Variants in KANK3 observed in about 807,000 individuals in gnomAD.
KANK3 encodes the protein KN motif and ankyrin repeat domain-containing protein 3.
In KANK3, 61 loss-of-function variants were observed where a neutral mutation model predicts 65.4. The ratio of observed to expected loss-of-function variants is 0.93; its 90% CI spans 0.76 to 1.15. The LOEUF (loss-of-function observed/expected upper bound fraction) is 1.15. Ranked by LOEUF, KANK3 falls within the 50% of genes most tolerant of loss-of-function variation. The pLI is 0.00. For missense variants in KANK3, 1,187 were observed against 1,178.8 expected, an observed-to-expected ratio of 1.01 and a Z score of -0.10; for synonymous variants, 586 against 543.3, an observed-to-expected ratio of 1.08 and a Z score of -1.09.
chr19:8,331,129 G>C lies in KANK3; in HGVS notation c.1936+1885C>G, dbSNP rs937053910. 7.0e-4 allele frequency among the ~76,000 whole-genome samples: 106 copies of C among 151,484 alleles called. 1 individual carries two copies. The highest frequency in any genetic ancestry group is 2.3e-3 in the African/African-American group (94 of 41,300). On this transcript the variant is annotated intron_variant, in intron 7 of 10. Transcript: ENST00000330915. Reference sequence around the variant, plus strand: ...AATGGCGTGAACCCGGGAGGCGTAGGTTGCAGTGAGCAGAGAGATCATGCC... The same window carrying C: ...AATGGCGTGAACCCGGGAGGCGTAGCTTGCAGTGAGCAGAGAGATCATGCC...
At chr19:8,341,659 AT>A (rs1970724923) in intron 1 of KANK3, among the ~76,000 whole-genome samples, 1 of 151,950 alleles carries the variant, frequency 6.6e-6, no homozygotes. Context: ...GCCCGGCCTA[AT>A]TTTATTTTTT....
At chr19:8,326,481 T>TA (rs369948563) in intron 7 of KANK3, among the ~76,000 whole-genome samples, 4,725 of 119,116 alleles carry the variant, frequency 0.04, 105 homozygotes, top group Non-Finnish European at 0.052. Context: ...CCACCTGTTG[T>TA]AAAAAAAAAA....
At chr19:8,338,740 TGGCA>T (rs1970682154) in intron 1 of KANK3, among the ~76,000 whole-genome samples, 1 of 151,652 alleles carries the variant, frequency 6.6e-6, no homozygotes, top group African/African-American at 2.4e-5. Flanking sequence ...CCGGGCGTGG[TGGCA>T]GGCGCCTGTA....
chr19:8,332,826 TA>T (rs2145426824), intron 7 of KANK3, 187 bp downstream of exon 7: 1 of 285,698 alleles, frequency 3.5e-6, no homozygotes, highest in East Asian at 6.2e-5. Context: ...AAAAATAAAA[TA>T]AAATAAAATA....
Position 8,335,808 on chromosome 19 carries a change from G to C in KANK3, c.35-16C>G. 8.1e-7 allele frequency: 1 copy of C among 1,229,492 alleles called. No individual in the cohort carries two copies. Among genetic ancestry groups the C allele is most frequent in the Non-Finnish European group, 1.0e-6 (1 of 984,186 alleles). The allele number at this position is 1,229,492 out of a possible 1,614,324, so 76.2% of individuals were successfully genotyped here. ...CCGCCCAGGTCTGGAGGCACGACGGGGGCACGGGGAGGGCGCATCAGAACG... is the reference window on the plus strand; with the variant it reads ...CCGCCCAGGTCTGGAGGCACGACGGCGGCACGGGGAGGGCGCATCAGAACG... On this transcript the variant is annotated splice_polypyrimidine_tract_variant and intron_variant, in intron 2 of 10. Transcript: ENST00000330915.
rs762279868 is a variant in KANK3 at position 8,334,765 on chromosome 19, C to T, written c.1062G>A (p.Glu354=). The part of the protein sequence containing the change: ...LLGLPAAAER[E]LELLRASLEH... The stretch of plus-strand genomic sequence containing the variant: ...CCAGACTGGCGCGCAGCAGCTCTAG[C>T]TCGCGCTCGGCGGCCGCAGGCAGCC... Residue 354 remains glutamate, a synonymous_variant, in exon 3 of 11, where the codon GAG becomes GAA. Transcript: ENST00000330915. The T allele has an allele frequency of 1.3e-5, 20 of 1,505,734 alleles. No individual in the cohort carries two copies. The highest frequency in any genetic ancestry group is 2.3e-4 in the Middle Eastern group (1 of 4,304). 93.3% of individuals were successfully genotyped at this position (1,505,734 alleles called of 1,614,324 possible). A position where few individuals can be genotyped will look rare whatever the true frequency, so the allele number is the denominator to read the frequency against.
Position 8,324,458 on chromosome 19 carries a change from G to A in KANK3, c.2373C>T (p.Pro791=), listed in dbSNP as rs144688003. The change falls in exon 10 of 11, where the codon CCC becomes CCT. Residue 791 remains proline (P), a synonymous_variant. Transcript: ENST00000330915. The stretch of plus-strand genomic sequence containing the variant: ...CCAGAGCTGTGCTCACCTGGGTGTC[G>A]GGCTGGCCCGAGCTCAGGTGGGCAT... ...LLHAHLSSGQ[P]DTQSESPPGS... 4.0e-5 allele frequency: 64 copies of A among 1,602,874 alleles called. No individual in the cohort carries two copies. Among genetic ancestry groups the A allele is most frequent in the South Asian group, 1.6e-4 (14 of 89,582 alleles).
chr19:8,334,912 G>A lies in KANK3; in HGVS notation c.915C>T (p.Ala305=), dbSNP rs1386303416. Residue 305 remains alanine, a synonymous_variant, in exon 3 of 11, where the codon GCC becomes GCT. Coordinates refer to ENST00000330915, the MANE Select transcript of KANK3 (RefSeq NM_198471.3). ...DGTPQTREVA[A]EAVPETREAG... is the part of the protein sequence containing the mutation. ...CTTCTCGGGTCTCGGGCACGGCCTC[G>A]GCGGCCACCTCCCGGGTCTGGGGCG... 3 of 1,461,312 alleles carry A rather than the reference G, an allele frequency of 2.1e-6. No homozygotes were observed. The highest frequency in any genetic ancestry group is 2.7e-6 in the Non-Finnish European group (3 of 1,116,848). The allele number at this position is 1,461,312 out of a possible 1,614,324, so 90.5% of individuals were successfully genotyped here.
rs1158262051 is a variant in KANK3 at position 8,333,322 on chromosome 19, C to A, written c.1720-92G>T. ...GGGAGGGGCGGGACTGGGAAGAGACCCATTTGGCGTTTCCAGGCAAGTAAG... is the reference window on the plus strand; with the variant it reads ...GGGAGGGGCGGGACTGGGAAGAGACACATTTGGCGTTTCCAGGCAAGTAAG... On this transcript the variant is annotated intron_variant, in intron 6 of 10. Coordinates refer to ENST00000330915, the MANE Select transcript of KANK3 (RefSeq NM_198471.3). The surrounding 1 kb of genome is among the most constrained non-coding windows in gnomAD (Gnocchi z 5.0). 6 of 1,073,190 alleles carry A rather than the reference C, an allele frequency of 5.6e-6. No homozygotes were observed. The East Asian group carries it at 1.5e-4, about 27-fold the overall frequency. 66.5% of individuals were successfully genotyped at this position (1,073,190 alleles called of 1,614,324 possible). A position where few individuals can be genotyped will look rare whatever the true frequency, so the allele number is the denominator to read the frequency against.
intron 1 of KANK3, among the ~76,000 whole-genome samples, chr19:8,341,687 T>C (rs1970725089): frequency 6.6e-6 from 1 of 152,188 alleles, no homozygotes; most frequent in South Asian, 2.1e-4. Flanking sequence ...ACAGGTGTCT[T>C]GCTATATTGC....
intron 2 of KANK3, 41 bp from the exon 3 acceptor site, chr19:8,335,833 G>A: frequency 8.3e-7 from 1 of 1,209,114 alleles, no homozygotes; most frequent in South Asian, 4.2e-5. Flanking sequence ...GCATCAGAAC[G>A]GGGAAACCCG....
chr19:8,328,898 G>A (rs561631673), intron 7 of KANK3, among the ~76,000 whole-genome samples: 5 of 152,212 alleles, frequency 3.3e-5, no homozygotes, highest in South Asian at 2.1e-4. Flanking sequence ...GGCCGAGCGC[G>A]GTGGCTCACG....
chr19:8,327,681 A>G (rs1053191216), intron 7 of KANK3, among the ~76,000 whole-genome samples: 2 of 152,000 alleles, frequency 1.3e-5, no homozygotes, highest in African/African-American at 2.4e-5. Flanking sequence ...GTGGTCCCAA[A>G]TACTCAGGAG....
chr19:8,334,761 C>G lies in KANK3; in HGVS notation c.1066G>C (p.Glu356Gln). ...TGCTCCAGACTGGCGCGCAGCAGCT[C>G]TAGCTCGCGCTCGGCGGCCGCAGGC... ...GLPAAAEREL[E>Q]LLRASLEHQR... The change falls in exon 3 of 11, where the codon GAG (glutamate) becomes CAG (glutamine). Residue 356 changes from glutamate (E) to glutamine (Q), a missense_variant. Physicochemically the swap from Glu to Gln is conservative, Grantham distance 29 (BLOSUM62 2). This residue lies in a region of KANK3 where 1,078 missense variants were observed against 1,038.2 expected (regional missense o/e 1.04). Transcript: ENST00000330915. 3 of 1,505,898 alleles carry G rather than the reference C, an allele frequency of 2.0e-6. No individual in the cohort carries two copies. The highest frequency in any genetic ancestry group is 1.2e-5 in the South Asian group (1 of 81,132). 93.3% of individuals were successfully genotyped at this position (1,505,898 alleles called of 1,614,324 possible). A position where few individuals can be genotyped will look rare whatever the true frequency, so the allele number is the denominator to read the frequency against.
rs1368255055 is a variant in KANK3 at position 8,333,483 on chromosome 19, G to A, written c.1719+241C>T. Among the ~76,000 whole-genome samples the A allele has an allele frequency of 1.3e-5, 2 of 152,224 alleles. No individual in the cohort carries two copies. The highest frequency in any genetic ancestry group is 1.5e-5 in the Non-Finnish European group (1 of 68,036). The stretch of plus-strand genomic sequence containing the variant: ...AAGAATTTGCGGGAGAACATGGAAC[G>A]GGGAAAGGCAATGAACGCTTGCCCT... On this transcript the variant is annotated intron_variant, in intron 6 of 10. Coordinates refer to ENST00000330915, the MANE Select transcript of KANK3 (RefSeq NM_198471.3). The surrounding 1 kb of genome is among the most constrained non-coding windows in gnomAD (Gnocchi z 5.0).
Position 8,324,797 on chromosome 19 carries a change from G to T in KANK3, c.2116C>A (p.His706Asn), listed in dbSNP as rs1176278199. The change falls in exon 9 of 11, where the codon CAT becomes AAT. Residue 706 changes from histidine to asparagine, a missense_variant. By Grantham distance (68) the His-to-Asn change is moderately conservative. Transcript: ENST00000330915. ...GTTGCCACCATGTCCTGTCGGCCAT[G>T]GCTGATGGCCAGCATGAGGGCTGTC... ...GQTALMLAISHGRQDMVATLL... is the reference protein window; with the variant it reads ...GQTALMLAISNGRQDMVATLL... 1 of 1,613,540 alleles carries T rather than the reference G, an allele frequency of 6.2e-7. No individual in the cohort carries two copies. The highest frequency in any genetic ancestry group is 1.7e-5 in the Admixed American group (1 of 60,024).
intron 1 of KANK3, among the ~76,000 whole-genome samples, chr19:8,339,110 G>T (rs924140495): frequency 5.9e-5 from 9 of 152,074 alleles, no homozygotes; most frequent in Non-Finnish European, 1.2e-4. Context: ...GGTTGTCAGA[G>T]CTGTGACTAT....
Position 8,333,864 on chromosome 19 carries a change from G to C in KANK3, c.1634+46C>G. 6.4e-7 allele frequency: 1 copy of C among 1,551,398 alleles called. No homozygotes were observed. The highest frequency in any genetic ancestry group is 1.2e-5 in the South Asian group (1 of 84,332). ...GGATCGGGGACAGCGCCGACCAGGA[G>C]GAGGGCAGCCGCCTCCTCTCCAAAC... On this transcript the variant is annotated intron_variant, in intron 5 of 10. Coordinates refer to ENST00000330915, the MANE Select transcript of KANK3 (RefSeq NM_198471.3). The surrounding 1 kb of genome is among the most constrained non-coding windows in gnomAD (Gnocchi z 5.0).
intron 7 of KANK3, among the ~76,000 whole-genome samples, chr19:8,331,906 TG>T (rs1970531092): frequency 6.6e-6 from 1 of 151,268 alleles, no homozygotes; most frequent in Non-Finnish European, 1.5e-5. Context: ...AGTCCAGAAC[TG>T]TGTATTCCCT....
Sources: allele counts gnomAD v4.1 joint callset (sites outside exome capture counted in the v4.1 genomes callset), GRCh38; gene constraint gnomAD v4.1.1; regional missense constraint gnomAD v4.1.1; non-coding constraint Gnocchi (gnomAD v3.1); transcripts MANE v1.5; gene names NCBI Gene and HGNC (gene_info 2026-07-23, HGNC 2026-07-21).